UROC1: variants seen among roughly 807,000 people sequenced by gnomAD.
UROC1 encodes the protein urocanate hydratase.
UROC1 carries 79 observed loss-of-function variants against 89.5 expected under a neutral mutation model. The ratio of observed to expected loss-of-function variants is 0.88; its 90% CI spans 0.74 to 1.06. The LOEUF is 1.06. Ranked by LOEUF, UROC1 falls within the 50% of genes least tolerant of loss-of-function variation. The pLI, the probability that UROC1 is intolerant of heterozygous loss-of-function variation, is 0.00. For missense variants in UROC1, 885 were observed against 907.8 expected (o/e 0.97, Z 0.32); for synonymous variants, 361 against 354.8 (o/e 1.02, Z -0.20).
chr3:126,515,225 G>A (rs1030253554), intron 1 of UROC1, among the ~76,000 whole-genome samples: 6 of 152,086 alleles, frequency 3.9e-5, no homozygotes, highest in Non-Finnish European at 5.9e-5. Flanking sequence ...CCCTCCCTGA[G>A]CTCCGGGGTG....
chr3:126,487,165 T>C (rs1472533627), intron 18 of UROC1, among the ~76,000 whole-genome samples: 5 of 152,110 alleles, frequency 3.3e-5, no homozygotes, highest in Non-Finnish European at 5.9e-5. Context: ...CGGCCTGCCT[T>C]CGGCTGTCTG....
chr3:126,482,443 T>A lies in UROC1; in HGVS notation c.1933A>T (p.Ile645Phe). The change falls in exon 20 of 20, where the codon ATC becomes TTC. Residue 645 changes from isoleucine (I) to phenylalanine (F), a missense_variant. Transcript: ENST00000290868. ...TTCTCCTGCATGGTCTGGCAGATGA[T>A]CTCATAGGCCTTCTGGTTCCCTGAC... ...CWSGNQKAYE[I>F]ICQTMQENST... 1 of 1,613,964 alleles carries A rather than the reference T, an allele frequency of 6.2e-7. No individual in the cohort carries two copies. The highest frequency in any genetic ancestry group is 1.1e-5 in the South Asian group (1 of 91,082).
rs747751206 is a variant in UROC1 at position 126,489,405 on chromosome 3, C to T, written c.1609-30G>A. The T allele has an allele frequency of 1.9e-6, 3 of 1,580,808 alleles. No homozygotes were observed. The East Asian group carries it at 6.7e-5, about 35-fold the overall frequency. On this transcript the variant is annotated intron_variant, in intron 16 of 19. Transcript: ENST00000290868. Reference sequence around the variant, plus strand: ...GCATGGAAGGACAGAAGCTGTCAGCCAACAGTGTCCACCATGGCTTCCTGG... The same window carrying T: ...GCATGGAAGGACAGAAGCTGTCAGCTAACAGTGTCCACCATGGCTTCCTGG...
chr3:126,506,042 G>C, intron 6 of UROC1, 31 bp from the exon 7 acceptor site: 1 of 1,613,024 alleles, frequency 6.2e-7, no homozygotes. Context: ...CAAGCCCAGG[G>C]CTCAGCCAGT....
In UROC1 at chr3:126,509,672, G is replaced by A. The variant is rs1249349872; in HGVS notation, c.264C>T (p.Tyr88=). The A allele has an allele frequency of 6.4e-7, 1 of 1,551,760 alleles. No homozygotes were observed. Among genetic ancestry groups the A allele is most frequent in the East Asian group, 2.4e-5 (1 of 40,942 alleles). ...RFCPDIEMRA[Y]PIEQYPCQTK... is the part of the protein sequence containing the mutation. ...TCTGGCAGGGGTACTGCTCAATCGG[G>A]TAGGCCCTGCAAGGGAAAGCCCAAC... Residue 88 remains tyrosine, a synonymous_variant, in exon 3 of 20, where the codon TAC becomes TAT. Coordinates refer to ENST00000290868, the MANE Select transcript of UROC1 (RefSeq NM_144639.3).
chr3:126,510,546 G>A, intron 2 of UROC1, 118 bp downstream of exon 2: 2 of 1,499,446 alleles, frequency 1.3e-6, no homozygotes, highest in Non-Finnish European at 1.8e-6. Flanking sequence ...TCCTGGTCTG[G>A]ACAGACTGGG....
At chr3:126,496,781 A>G (rs1318731470) in intron 14 of UROC1, among the ~76,000 whole-genome samples, 5 of 152,222 alleles carry the variant, frequency 3.3e-5, no homozygotes, top group Admixed American at 3.3e-4. Context: ...ACCAAATTAT[A>G]TTAAAATGAA....
At chr3:126,495,170 G>A (rs1170551351) in intron 15 of UROC1, among the ~76,000 whole-genome samples, 1 of 152,140 alleles carries the variant, frequency 6.6e-6, no homozygotes, top group African/African-American at 2.4e-5. Flanking sequence ...AGAGCCCCAG[G>A]CCACTTTCCC....
At chr3:126,515,000 C>T (rs1936269027) in intron 1 of UROC1, among the ~76,000 whole-genome samples, 1 of 152,014 alleles carries the variant, frequency 6.6e-6, no homozygotes, top group Non-Finnish European at 1.5e-5. Flanking sequence ...AGCAGCAGGA[C>T]TCAGGGAGCC....
chr3:126,489,795 C>G (rs1363395223), intron 16 of UROC1, among the ~76,000 whole-genome samples: 1 of 152,152 alleles, frequency 6.6e-6, no homozygotes, highest in Non-Finnish European at 1.5e-5. Flanking sequence ...CCCACTGTAC[C>G]CTAAGTAAAA....
At chr3:126,502,615 T>C (rs1175084250) in intron 9 of UROC1, among the ~76,000 whole-genome samples, 1 of 151,980 alleles carries the variant, frequency 6.6e-6, no homozygotes, top group African/African-American at 2.4e-5. Flanking sequence ...TGTATTTATG[T>C]GTATGTGTGT....
intron 11 of UROC1, 44 bp from the exon 12 acceptor site, chr3:126,500,198 G>A: frequency 6.2e-7 from 1 of 1,600,150 alleles, no homozygotes; most frequent in Non-Finnish European, 8.5e-7. Flanking sequence ...GAGGCCCTGG[G>A]GCCTCCCCAA....
intron 18 of UROC1, among the ~76,000 whole-genome samples, chr3:126,487,208 G>C (rs1163858179): frequency 6.6e-6 from 1 of 152,158 alleles, no homozygotes; most frequent in Non-Finnish European, 1.5e-5. Context: ...GGGAACCTGG[G>C]GTCAGACCGT....
At chr3:126,502,849 A>C (rs913694567) in intron 9 of UROC1, among the ~76,000 whole-genome samples, 1 of 138,734 alleles carries the variant, frequency 7.2e-6, no homozygotes. Flanking sequence ...CATGTGTGTT[A>C]CATGTGTGTT....
chr3:126,488,491 C>G (rs1020605120), intron 17 of UROC1, among the ~76,000 whole-genome samples: 1 of 152,238 alleles, frequency 6.6e-6, no homozygotes, highest in Non-Finnish European at 1.5e-5. Context: ...TCTAGTTGTC[C>G]CATGGTGGCG....
intron 6 of UROC1, among the ~76,000 whole-genome samples, chr3:126,507,180 C>T (rs572931162): frequency 4.6e-5 from 7 of 152,288 alleles, no homozygotes; most frequent in Admixed American, 4.6e-4. Context: ...GGGCACTGGC[C>T]GCATTCTGTG....
At chr3:126,502,840 ATG>A (rs925726683) in intron 9 of UROC1, among the ~76,000 whole-genome samples, 3 of 138,978 alleles carry the variant, frequency 2.2e-5, no homozygotes, top group South Asian at 2.3e-4. Context: ...AAGTGTGTTC[ATG>A]TGTGTTACAT....
chr3:126,484,941 C>T (rs1382878686), intron 18 of UROC1, among the ~76,000 whole-genome samples: 1 of 152,220 alleles, frequency 6.6e-6, no homozygotes. Context: ...TTTTAGAAGC[C>T]TGCATCCCAG....
chr3:126,511,022 CCT>C (rs2107550348), intron 1 of UROC1, among the ~76,000 whole-genome samples: 1 of 152,158 alleles, frequency 6.6e-6, no homozygotes, highest in South Asian at 2.1e-4. Flanking sequence ...CAGACTGATC[CCT>C]CTCTCTTCTT....
Sources: gnomAD v4.1 joint callset for allele counts (sites outside exome capture counted in the v4.1 genomes callset) on GRCh38, gnomAD v4.1.1 for gene constraint, MANE v1.5 for transcripts, NCBI Gene and HGNC (gene_info 2026-07-23, HGNC 2026-07-21) for gene names.